MBNL1: variants seen among roughly 807,000 people sequenced by gnomAD.
MBNL1 encodes the protein muscleblind-like protein 1.
In MBNL1, 8 loss-of-function variants were observed where a neutral mutation model predicts 42.2. The ratio of observed to expected loss-of-function variants is 0.19; its 90% CI spans 0.11 to 0.34. The LOEUF (loss-of-function observed/expected upper bound fraction) is 0.34, where lower values mean the gene tolerates loss of function less well. Ranked by LOEUF, MBNL1 falls within the 10% of genes least tolerant of loss-of-function variation. The pLI is 1.00. For missense variants in MBNL1, 309 were observed against 495.3 expected (o/e 0.62, Z 3.57); for synonymous variants, 169 against 173.9 (o/e 0.97, Z 0.22).
chr3:152,276,022 T>C (rs9836777), intron 1 of MBNL1, among the ~76,000 whole-genome samples: 226 of 152,254 alleles, frequency 1.5e-3, no homozygotes, highest in Non-Finnish European at 2.4e-3. Flanking sequence ...GGCTGTATTC[T>C]TTTAAGTAAG....
chr3:152,432,867 C>A lies in MBNL1; in HGVS notation c.496C>A (p.Pro166Thr). The A allele has an allele frequency of 6.2e-7, 1 of 1,614,032 alleles. No individual in the cohort carries two copies. Among genetic ancestry groups the A allele is most frequent in the Middle Eastern group, 1.6e-4 (1 of 6,062 alleles). The part of the protein sequence containing the change: ...LVTGNPGVPV[P>T]AAAAAAAQKL... ...TACAGGGAATCCGGGTGTCCCTGTACCTGCAGCTGCTGCAGCTGCTGCACA... is the reference window on the plus strand; with the variant it reads ...TACAGGGAATCCGGGTGTCCCTGTAACTGCAGCTGCTGCAGCTGCTGCACA... Residue 166 changes from proline to threonine, a missense_variant, in exon 4 of 10, where the codon CCT (proline) becomes ACT (threonine). Pro to Thr is a conservative substitution (Grantham distance 38). Transcript: ENST00000324210.
At chr3:152,253,141 C>G (rs1382732073) in intron 2 of MBNL1, among the ~76,000 whole-genome samples, 1 of 152,126 alleles carries the variant, frequency 6.6e-6, no homozygotes, top group Admixed American at 6.6e-5. Context: ...AAGCTATACA[C>G]TCAGATGTTA....
At chr3:152,451,374 A>G (rs1007620319) in intron 6 of MBNL1, among the ~76,000 whole-genome samples, 1 of 152,158 alleles carries the variant, frequency 6.6e-6, no homozygotes, top group African/African-American at 2.4e-5. Context: ...TCATTCAACC[A>G]TACATCCATC....
chr3:152,346,874 C>A lies in MBNL1; in HGVS notation c.174+46507C>A, dbSNP rs1578383929. 3.8e-5 allele frequency among the ~76,000 whole-genome samples: 4 copies of A among 105,088 alleles called. 1 individual carries two copies. The highest frequency in any genetic ancestry group is 9.2e-5 in the African/African-American group (2 of 21,684). 68.9% of individuals were successfully genotyped at this position (105,088 alleles called of 152,430 possible). A position where few individuals can be genotyped will look rare whatever the true frequency, so the allele number is the denominator to read the frequency against. ...TGCATTACCAAATTGTTTCAAATCA[C>A]TTTAATTAAAAAAAAAAAAAAAAAC... On this transcript the variant is annotated intron_variant, in intron 2 of 9. Coordinates refer to ENST00000324210, the MANE Select transcript of MBNL1 (RefSeq NM_021038.5).
chr3:152,258,717 T>C (rs2035807035), intron 2 of MBNL1, among the ~76,000 whole-genome samples: 1 of 152,204 alleles, frequency 6.6e-6, no homozygotes, highest in Non-Finnish European at 1.5e-5. Flanking sequence ...AGTAATCTAG[T>C]CATAAACAAA....
intron 1 of MBNL1, among the ~76,000 whole-genome samples, chr3:152,276,579 T>C (rs1005091371): frequency 2.0e-5 from 3 of 152,026 alleles, no homozygotes; most frequent in African/African-American, 7.3e-5. Flanking sequence ...TCTACATCAT[T>C]TGAAGAGATT....
At chr3:152,294,691 T>C (rs974101088) in intron 1 of MBNL1, among the ~76,000 whole-genome samples, 1 of 152,198 alleles carries the variant, frequency 6.6e-6, no homozygotes, top group Non-Finnish European at 1.5e-5. Context: ...TTAGTAGAAA[T>C]CTTTCCTTTA....
intron 2 of MBNL1, among the ~76,000 whole-genome samples, chr3:152,368,675 CCT>C (rs1403685279): frequency 1.3e-5 from 2 of 152,110 alleles, no homozygotes; most frequent in Non-Finnish European, 2.9e-5. Context: ...TTGTTTGTGT[CCT>C]CTCTTATTTC....
Position 152,300,309 on chromosome 3 carries a change from C to G in MBNL1, c.116C>G (p.Pro39Arg), listed in dbSNP as rs1357767702. The change falls in exon 2 of 10, where the codon CCT becomes CGT. Residue 39 changes from proline (P) to arginine (R), a missense_variant. Transcript: ENST00000324210. ...GACACGGAATGTAAATTTGCACATCCTTCGAAAAGCTGCCAAGTTGAAAAT... is the reference window on the plus strand; with the variant it reads ...GACACGGAATGTAAATTTGCACATCGTTCGAAAAGCTGCCAAGTTGAAAAT... Reference protein sequence around the residue: ...RPDTECKFAHPSKSCQVENGR... With the variant: ...RPDTECKFAHRSKSCQVENGR... 1 of 1,613,866 alleles carries G rather than the reference C, an allele frequency of 6.2e-7. No homozygotes were observed. The highest frequency in any genetic ancestry group is 8.5e-7 in the Non-Finnish European group (1 of 1,179,908).
intron 2 of MBNL1, among the ~76,000 whole-genome samples, chr3:152,342,395 C>A (rs187151467): frequency 6.6e-6 from 1 of 152,044 alleles, no homozygotes; most frequent in Non-Finnish European, 1.5e-5. Flanking sequence ...TTTAATTTTA[C>A]GAGACAGAGT....
At chr3:152,320,985 A>G (rs1285770964) in intron 2 of MBNL1, among the ~76,000 whole-genome samples, 1 of 152,064 alleles carries the variant, frequency 6.6e-6, no homozygotes, top group East Asian at 1.9e-4. Context: ...TGAAGTAGAA[A>G]AGAGAATCCA....
intron 2 of MBNL1, among the ~76,000 whole-genome samples, chr3:152,391,321 T>C (rs530544274): frequency 6.6e-6 from 1 of 152,354 alleles, no homozygotes; most frequent in East Asian, 1.9e-4. Flanking sequence ...TGAATAATGA[T>C]TCTAAGTTTG....
intron 2 of MBNL1, among the ~76,000 whole-genome samples, chr3:152,259,345 A>G (rs554553006): frequency 2.8e-4 from 42 of 152,306 alleles, no homozygotes; most frequent in African/African-American, 1.0e-3. Context: ...AACTTCTATT[A>G]AAGGCACTTG....
intron 2 of MBNL1, among the ~76,000 whole-genome samples, chr3:152,402,897 G>T (rs1236639587): frequency 6.6e-6 from 1 of 152,136 alleles, no homozygotes; most frequent in African/African-American, 2.4e-5. Flanking sequence ...GTGGGCATGA[G>T]CCTCCTTCTG....
At chr3:152,247,750 A>G (rs1211621929) in intron 2 of MBNL1, among the ~76,000 whole-genome samples, 1 of 151,776 alleles carries the variant, frequency 6.6e-6, no homozygotes, top group Non-Finnish European at 1.5e-5. Flanking sequence ...CTTTATATAC[A>G]TTTTCTAAAT....
rs1322214711 is a variant in MBNL1, at chr3:152,423,929, CAAAAT to C, written c.346-8785_346-8781del. On this transcript the variant is annotated intron_variant, in intron 3 of 9. Transcript: ENST00000324210. ...AACTAGGTATTGATGGAATGTATCTCAAAATAATAAGAGCTATTTATGACAAACCC... is the reference window on the plus strand; with the variant it reads ...AACTAGGTATTGATGGAATGTATCTCAATAAGAGCTATTTATGACAAACCC... 2.0e-5 allele frequency among the ~76,000 whole-genome samples: 3 copies of C among 152,264 alleles called. No individual in the cohort carries two copies. In the East Asian group the frequency reaches 5.8e-4, roughly 29 times the overall value.
intron 2 of MBNL1, among the ~76,000 whole-genome samples, chr3:152,382,553 A>G (rs1383117247): frequency 4.6e-5 from 7 of 152,154 alleles, no homozygotes; most frequent in Admixed American, 4.6e-4. Flanking sequence ...GCTTCCCTAG[A>G]GGCTCTTTTC....
chr3:152,260,296 C>T (rs761944613), intron 2 of MBNL1, among the ~76,000 whole-genome samples: 27 of 152,138 alleles, frequency 1.8e-4, no homozygotes, highest in Non-Finnish European at 3.2e-4. Flanking sequence ...CATTGCTAAG[C>T]CCATTGCAGA....
intron 2 of MBNL1, among the ~76,000 whole-genome samples, chr3:152,251,665 C>T (rs986662456): frequency 2.6e-5 from 4 of 152,030 alleles, no homozygotes; most frequent in South Asian, 4.1e-4. Flanking sequence ...GATTAGATTA[C>T]GGTTATACAC....
Sources: gnomAD v4.1 joint callset for allele counts (sites outside exome capture counted in the v4.1 genomes callset) on GRCh38, gnomAD v4.1.1 for gene constraint, MANE v1.5 for transcripts, NCBI Gene and HGNC (gene_info 2026-07-23, HGNC 2026-07-21) for gene names.